GIGYF2: variants seen among roughly 807,000 people sequenced by gnomAD.
The protein encoded by GIGYF2 is GRB10 interacting GYF protein 2.
GIGYF2 carries 25 observed loss-of-function variants against 208.1 expected under a neutral mutation model. The ratio of observed to expected loss-of-function variants is 0.12; its 90% confidence interval spans 0.09 to 0.17. The LOEUF is 0.17. GIGYF2 is among the 10% of genes least tolerant of loss of function. The pLI, the probability that GIGYF2 is intolerant of heterozygous loss-of-function variation, is 1.00. For synonymous variants in GIGYF2, 534 were observed against 543.8 expected (o/e 0.98, Z 0.25); for missense variants, 1,302 against 1,579.4 (o/e 0.82, Z 2.98).
At chr2:232,724,221 T>TTTTTTTTTG in intron 2 of GIGYF2, among the ~76,000 whole-genome samples, 1 of 149,240 alleles carries the variant, frequency 6.7e-6, no homozygotes, top group Non-Finnish European at 1.5e-5. Context: ...TTTTTTTTTT[T>TTTTTTTTTG]TTTTTTTTGT....
chr2:232,800,749 T>C (rs1700372029), intron 14 of GIGYF2, among the ~76,000 whole-genome samples: 1 of 152,000 alleles, frequency 6.6e-6, no homozygotes, highest in Non-Finnish European at 1.5e-5. Flanking sequence ...TTATTTTTCT[T>C]TTTTAGAGAT....
At chr2:232,787,431 G>A in intron 9 of GIGYF2, 102 bp downstream of exon 9, 1 of 1,017,788 alleles carries the variant, frequency 9.8e-7, no homozygotes, top group Non-Finnish European at 1.5e-6. Flanking sequence ...AAAAAATGTG[G>A]GGGTGGATTC....
chr2:232,831,060 AG>A (rs1357992241), intron 21 of GIGYF2, among the ~76,000 whole-genome samples: 2 of 152,212 alleles, frequency 1.3e-5, no homozygotes, highest in African/African-American at 4.8e-5. Context: ...CACAGAGGCA[AG>A]GTGGCATTTT....
chr2:232,727,912 G>C (rs1480696561), intron 2 of GIGYF2, among the ~76,000 whole-genome samples: 1 of 152,040 alleles, frequency 6.6e-6, no homozygotes, highest in Non-Finnish European at 1.5e-5. Context: ...CCCCAAATTC[G>C]TTTTTCTGTT....
chr2:232,717,458 C>A (rs1212986545), intron 2 of GIGYF2, among the ~76,000 whole-genome samples: 1 of 152,110 alleles, frequency 6.6e-6, no homozygotes, highest in Admixed American at 6.6e-5. Context: ...GTGAACTTTT[C>A]CAGCACTCCA....
At chr2:232,851,470 A>G (rs998589691) in intron 28 of GIGYF2, among the ~76,000 whole-genome samples, 1 of 150,824 alleles carries the variant, frequency 6.6e-6, no homozygotes, top group Non-Finnish European at 1.5e-5. Context: ...CTCAGGCTGG[A>G]GTGCAGTGGC....
intron 20 of GIGYF2, among the ~76,000 whole-genome samples, chr2:232,817,547 C>G (rs1343442941): frequency 1.3e-5 from 2 of 152,182 alleles, no homozygotes; most frequent in Non-Finnish European, 2.9e-5. Context: ...GCCCCACTCC[C>G]TCCATCCATA....
Position 232,787,156 on chromosome 2 carries a change from C to T in GIGYF2, c.539C>T (p.Pro180Leu). The T allele has an allele frequency of 1.2e-6, 2 of 1,613,156 alleles. No individual in the cohort carries two copies. The highest frequency in any genetic ancestry group is 1.7e-6 in the Non-Finnish European group (2 of 1,179,250). ...EKPGRKDVGR[P>L]NFEEGGPTSV... is the part of the protein sequence containing the mutation. ...CATATTATTTTCTTTATAGGGAGAC[C>T]AAATTTTGAGGAAGGTGGACCAACA... The change falls in exon 9 of 29, where the codon CCA becomes CTA. Residue 180 changes from proline to leucine, a missense_variant. By Grantham distance (98) the Pro-to-Leu change is moderately conservative. Transcript: ENST00000373563.
chr2:232,818,249 TTCTC>T (rs1383620770), intron 20 of GIGYF2, among the ~76,000 whole-genome samples: 1 of 152,216 alleles, frequency 6.6e-6, no homozygotes, highest in African/African-American at 2.4e-5. Context: ...AATGAACCTT[TTCTC>T]TCTATTTTAG....
intron 8 of GIGYF2, among the ~76,000 whole-genome samples, chr2:232,779,356 A>G (rs1223232949): frequency 6.6e-6 from 1 of 152,212 alleles, no homozygotes; most frequent in Admixed American, 6.5e-5. Context: ...CTCTGTCCCT[A>G]AAGGCATTTG....
At chr2:232,742,708 A>G (rs1364767206) in intron 3 of GIGYF2, among the ~76,000 whole-genome samples, 1 of 152,218 alleles carries the variant, frequency 6.6e-6, no homozygotes. Flanking sequence ...CTGAGGATTT[A>G]AAACTAATAG....
chr2:232,703,084 C>T (rs1428237146), intron 1 of GIGYF2, among the ~76,000 whole-genome samples: 1 of 152,162 alleles, frequency 6.6e-6, no homozygotes, highest in Non-Finnish European at 1.5e-5. Context: ...CTGTGCCTGG[C>T]AGTAGGTTTT....
Position 232,791,320 on chromosome 2 carries a change from C to A in GIGYF2, c.1156C>A (p.His386Asn). The change falls in exon 12 of 29, where the codon CAT (histidine) becomes AAT (asparagine). Residue 386 changes from histidine (H) to asparagine (N), a missense_variant. Coordinates refer to ENST00000373563, the MANE Select transcript of GIGYF2 (RefSeq NM_001103146.3). ...SSARPGTPSD[H>N]QSQEASQFER... ...TGCTAGACCAGGTACTCCTTCAGAC[C>A]ATCAGTCTCAGGAAGCATCACAGTT... 6.2e-7 allele frequency: 1 copy of A among 1,613,880 alleles called. No homozygotes were observed. The highest frequency in any genetic ancestry group is 8.5e-7 in the Non-Finnish European group (1 of 1,179,832).
intron 18 of GIGYF2, among the ~76,000 whole-genome samples, chr2:232,813,802 A>G (rs1700818093): frequency 6.6e-6 from 1 of 151,574 alleles, no homozygotes; most frequent in Non-Finnish European, 1.5e-5. Context: ...TTGAGTACCC[A>G]TCCCTAATCC....
At chr2:232,763,274 G>A (rs1422863278) in intron 8 of GIGYF2, among the ~76,000 whole-genome samples, 1 of 152,030 alleles carries the variant, frequency 6.6e-6, no homozygotes, top group Non-Finnish European at 1.5e-5. Context: ...GATCTCATTA[G>A]TCTCATAATA....
At chr2:232,729,548 TC>T in intron 2 of GIGYF2, 1 of 1,386,032 alleles carries the variant, frequency 7.2e-7, no homozygotes, top group Non-Finnish European at 9.8e-7. Flanking sequence ...AGCAGCCACA[TC>T]CATGGACTGC....
chr2:232,788,904 TG>T (rs1478136748), intron 9 of GIGYF2, among the ~76,000 whole-genome samples: 2 of 152,112 alleles, frequency 1.3e-5, no homozygotes, highest in Non-Finnish European at 2.9e-5. Context: ...ATATAAAGTT[TG>T]GGTCTGAAAA....
At chr2:232,697,927 G>A (rs1195771374) in intron 1 of GIGYF2, among the ~76,000 whole-genome samples, 1 of 152,234 alleles carries the variant, frequency 6.6e-6, no homozygotes, top group African/African-American at 2.4e-5. Context: ...CTGGACGGAG[G>A]AGACTCCTTC....
chr2:232,857,802 C>T lies in GIGYF2; in HGVS notation c.*942C>T, dbSNP rs998244054. 3.3e-5 allele frequency: 5 copies of T among 152,566 alleles called. No individual in the cohort carries two copies. The highest frequency in any genetic ancestry group is 1.2e-4 in the African/African-American group (5 of 41,424). The allele number at this position is 152,566 out of a possible 1,614,324, so 9.5% of individuals were successfully genotyped here. ...AATTTCATTTTTGGATAGGGATAAA[C>T]TTTTGCTTCTGATAAAAGCCTGGAA... is the stretch of plus-strand genomic sequence containing the variant. On this transcript the variant is annotated 3_prime_UTR_variant, in exon 29 of 29. Coordinates refer to ENST00000373563, the MANE Select transcript of GIGYF2 (RefSeq NM_001103146.3).
Sources: allele counts gnomAD v4.1 joint callset (sites outside exome capture counted in the v4.1 genomes callset), GRCh38; gene constraint gnomAD v4.1.1; transcripts MANE v1.5; gene names NCBI Gene and HGNC (gene_info 2026-07-23, HGNC 2026-07-21).